GKAP1: variants seen among roughly 807,000 people sequenced by gnomAD.
GKAP1 encodes G kinase-anchoring protein 1.
A neutral mutation model predicts 56.7 loss-of-function variants in GKAP1; 31 were observed. The observed-to-expected ratio is 0.55, with a 90% confidence interval of 0.41 to 0.74. GKAP1 has a LOEUF of 0.74. Among genes scored for constraint, GKAP1 ranks in the 30% least tolerant of loss-of-function variants. The pLI, the probability that GKAP1 is intolerant of heterozygous loss-of-function variation, is 0.00. For synonymous variants in GKAP1, 151 were observed against 138.6 expected (o/e 1.09, Z -0.63); for missense variants, 364 against 402.3 (o/e 0.90, Z 0.82).
intron 4 of GKAP1, among the ~76,000 whole-genome samples, chr9:83,798,924 T>G (rs1052965661): frequency 6.6e-6 from 1 of 152,186 alleles, no homozygotes; most frequent in South Asian, 2.1e-4. Flanking sequence ...TCCCTGTCTC[T>G]CCCTGATTTG....
rs143711801 is a variant in GKAP1, at chr9:83,775,579, A to C, written c.585+4803T>G. ...AAAAAGGAAAAAAAAATTTTTTTTG[A>C]AAGAAAACAACTTGAGTCGGGCACA... is the stretch of plus-strand genomic sequence containing the variant. On this transcript the variant is annotated intron_variant, in intron 7 of 12. Coordinates refer to ENST00000376371, the MANE Select transcript of GKAP1 (RefSeq NM_025211.4). Among the ~76,000 whole-genome samples, 569 of 152,152 alleles carry C rather than the reference A, an allele frequency of 3.7e-3. 9 individuals carry two copies. Among genetic ancestry groups the C allele is most frequent in the African/African-American group, 0.013 (535 of 41,496 alleles).
intron 4 of GKAP1, among the ~76,000 whole-genome samples, chr9:83,798,064 T>C (rs1020743161): frequency 6.6e-6 from 1 of 152,216 alleles, no homozygotes; most frequent in African/African-American, 2.4e-5. Flanking sequence ...TAATAATTAA[T>C]GCTCATAATC....
At chr9:83,793,069 G>T in intron 4 of GKAP1, 1 of 920,760 alleles carries the variant, frequency 1.1e-6, no homozygotes, top group Non-Finnish European at 1.5e-6. Flanking sequence ...AGCTCAATCA[G>T]TTAAAGAGTA....
chr9:83,748,553 C>T (rs557881351), intron 9 of GKAP1, 181 bp from the exon 10 acceptor site: 5 of 408,276 alleles, frequency 1.2e-5, no homozygotes, highest in South Asian at 4.3e-5. Context: ...GTCCCTGGCA[C>T]AATAATACAT....
At chr9:83,814,382 C>G (rs1461744545) in intron 2 of GKAP1, among the ~76,000 whole-genome samples, 1 of 152,210 alleles carries the variant, frequency 6.6e-6, no homozygotes, top group African/African-American at 2.4e-5. Flanking sequence ...CTGAAAACTT[C>G]CATTTATTCC....
intron 2 of GKAP1, among the ~76,000 whole-genome samples, chr9:83,812,316 T>TGTATATATACACACGTATATATATACAC (rs1944521176): frequency 6.8e-6 from 1 of 146,292 alleles, no homozygotes; most frequent in African/African-American, 2.5e-5. Context: ...TACATATATA[T>TGTATATATACACACGTATATATATACAC]GTATATATAC....
chr9:83,770,637 A>C (rs1205775698), intron 7 of GKAP1, among the ~76,000 whole-genome samples: 1 of 151,856 alleles, frequency 6.6e-6, no homozygotes, highest in Non-Finnish European at 1.5e-5. Context: ...GCTCACTGCA[A>C]CCTCTTCCTC....
chr9:83,788,943 T>TA (rs1174297830), intron 4 of GKAP1: 6 of 247,450 alleles, frequency 2.4e-5, no homozygotes, highest in Non-Finnish European at 4.6e-5. Flanking sequence ...TTTACCTTAA[T>TA]AAAAAAATCT....
intron 4 of GKAP1, among the ~76,000 whole-genome samples, chr9:83,791,364 C>G (rs1944156575): frequency 6.6e-6 from 1 of 151,396 alleles, no homozygotes; most frequent in Non-Finnish European, 1.5e-5. Flanking sequence ...CATCACGCCA[C>G]TGCACCCTAG....
At chr9:83,769,084 A>G (rs1943713638) in intron 7 of GKAP1, 114 bp from the exon 8 acceptor site, 6 of 697,166 alleles carry the variant, frequency 8.6e-6, no homozygotes, top group Non-Finnish European at 1.4e-5. Flanking sequence ...CAACCACTAG[A>G]AGGATAAAAA....
At chr9:83,762,711 A>G (rs1943594690) in intron 8 of GKAP1, among the ~76,000 whole-genome samples, 1 of 152,188 alleles carries the variant, frequency 6.6e-6, no homozygotes, top group Middle Eastern at 3.2e-3. Context: ...ACACAGACCA[A>G]TGGAACAGAA....
At chr9:83,744,491 C>T (rs1943258252) in intron 10 of GKAP1, among the ~76,000 whole-genome samples, 1 of 152,164 alleles carries the variant, frequency 6.6e-6, no homozygotes. Flanking sequence ...GACCTACTTC[C>T]CCACAAGCAA....
At chr9:83,792,697 T>C (rs1426680216) in intron 4 of GKAP1, among the ~76,000 whole-genome samples, 9 of 152,118 alleles carry the variant, frequency 5.9e-5, no homozygotes, top group Admixed American at 5.9e-4. Context: ...GCTATAACTA[T>C]AGCTGACAAT....
chr9:83,767,111 T>C (rs1236461059), intron 8 of GKAP1, among the ~76,000 whole-genome samples: 1 of 152,036 alleles, frequency 6.6e-6, no homozygotes, highest in Non-Finnish European at 1.5e-5. Flanking sequence ...GACATAGAGG[T>C]CTGAGAGGTA....
intron 7 of GKAP1, among the ~76,000 whole-genome samples, chr9:83,774,880 T>C (rs1408143217): frequency 6.6e-6 from 1 of 151,584 alleles, no homozygotes; most frequent in African/African-American, 2.4e-5. Context: ...AGATAAGTTT[T>C]GTATTTTTAG....
chr9:83,793,046 T>C (rs1374534315), intron 4 of GKAP1: 1 of 1,181,588 alleles, frequency 8.5e-7, no homozygotes, highest in Non-Finnish European at 1.1e-6. Context: ...TTCTTCTATT[T>C]AAGCAAACCT....
At chr9:83,749,315 C>T (rs1347629931) in intron 9 of GKAP1, among the ~76,000 whole-genome samples, 1 of 151,692 alleles carries the variant, frequency 6.6e-6, no homozygotes, top group Admixed American at 6.6e-5. Flanking sequence ...CAACCTTCGC[C>T]TCCTGGGTTC....
chr9:83,751,081 T>C (rs1373553641), intron 9 of GKAP1, among the ~76,000 whole-genome samples: 1 of 152,140 alleles, frequency 6.6e-6, no homozygotes, highest in African/African-American at 2.4e-5. Context: ...GTGATCCGCC[T>C]GCCCCGGCCT....
At chr9:83,765,289 C>A (rs1247820990) in intron 8 of GKAP1, among the ~76,000 whole-genome samples, 1 of 152,240 alleles carries the variant, frequency 6.6e-6, no homozygotes, top group Non-Finnish European at 1.5e-5. Flanking sequence ...GATTTGGGAA[C>A]CTCTGCCTAG....
Sources: allele counts gnomAD v4.1 joint callset (sites outside exome capture counted in the v4.1 genomes callset), GRCh38; gene constraint gnomAD v4.1.1; transcripts MANE v1.5; gene names NCBI Gene and HGNC (gene_info 2026-07-23, HGNC 2026-07-21).